APOB: variants seen among roughly 807,000 people sequenced by gnomAD.
APOB encodes apolipoprotein B-100.
Under a neutral mutation model 314.1 loss-of-function variants are expected in APOB, and 153 were observed. The observed-to-expected ratio is 0.49, with a 90% CI of 0.43 to 0.56. The LOEUF is 0.56. APOB is among the 20% of genes least tolerant of loss of function. The pLI is 0.00. For missense variants in APOB, 5,430 were observed against 5,350.7 expected (o/e 1.01, Z -0.46); for synonymous variants, 2,087 against 2,036.4 (o/e 1.02, Z -0.67).
Position 21,006,814 on chromosome 2 carries a change from T to C in APOB, c.10054A>G (p.Thr3352Ala), listed in dbSNP as rs528503563. The change falls in exon 26 of 29, where the codon ACC (threonine) becomes GCC (alanine). Residue 3352 changes from threonine (T) to alanine (A), a missense_variant. Transcript: ENST00000233242. ...GACTGGTTAAAAAGTTCAGCATTGG[T>C]ATTCAGTGTGATGACACTTGATTTA... is the stretch of plus-strand genomic sequence containing the variant. ...SFKSSVITLN[T>A]NAELFNQSDI... 1.9e-6 allele frequency: 3 copies of C among 1,613,108 alleles called. No individual in the cohort carries two copies. In the African/African-American group the frequency reaches 4.0e-5, roughly 22 times the overall value.
At chr2:21,020,017 A>G (rs1663565019) in intron 18 of APOB, 112 bp from the exon 19 acceptor site, 1 of 915,032 alleles carries the variant, frequency 1.1e-6, no homozygotes. Flanking sequence ...CTCAGTCCAC[A>G]CCTATCTCTA....
At position 21,011,715 on chromosome 2, in the gene APOB, A is replaced by C; in HGVS notation, c.5153T>G (p.Ile1718Ser). ...LSLGSAYQAMILGVDSKNIFN... is the reference protein window; with the variant it reads ...LSLGSAYQAMSLGVDSKNIFN... ...AATGTTTTTGCTGTCGACACCCAGA[A>C]TCATGGCCTGATAAGCACTTCCCAG... Residue 1718 changes from isoleucine to serine, a missense_variant, in exon 26 of 29, where the codon ATT becomes AGT. Around this residue, in one of 3 missense-constraint regions of APOB, gnomAD observed 2,085 missense variants for 2,079.7 expected, o/e 1.00. Coordinates refer to ENST00000233242, the MANE Select transcript of APOB (RefSeq NM_000384.3). 1 of 1,614,174 alleles carries C rather than the reference A, an allele frequency of 6.2e-7. No individual in the cohort carries two copies. The highest frequency in any genetic ancestry group is 8.5e-7 in the Non-Finnish European group (1 of 1,180,026).
In APOB at chr2:21,012,665, GA is replaced by G. The variant is rs753236351; in HGVS notation, c.4217-15del. The G allele has an allele frequency of 3.9e-5, 63 of 1,607,978 alleles. No homozygotes were observed. The African/African-American group carries it at 6.7e-4, about 17-fold the overall frequency. The stretch of plus-strand genomic sequence containing the variant: ...TTTCTCCAGATCCTAACATAAAAAT[GA>G]AAAGACATTGGTTAAATTAAGCAGT... On this transcript the variant is annotated splice_polypyrimidine_tract_variant and intron_variant, in intron 25 of 28. Coordinates refer to ENST00000233242, the MANE Select transcript of APOB (RefSeq NM_000384.3).
Position 21,038,718 on chromosome 2 carries a change from C to T in APOB, c.384-607G>A, listed in dbSNP as rs573811528. Among the ~76,000 whole-genome samples, 12 of 152,328 alleles carry T rather than the reference C, an allele frequency of 7.9e-5. 1 individual carries two copies. The Middle Eastern group carries it at 0.02, about 259-fold the overall frequency. ...AGTCTCTTTGCCCATCCTCCCCATA[C>T]GGACACCCGAGTGGTTGTTCCATTT... On this transcript the variant is annotated intron_variant, in intron 4 of 28. Coordinates refer to ENST00000233242, the MANE Select transcript of APOB (RefSeq NM_000384.3).
chr2:21,022,405 C>T (rs933311803), intron 18 of APOB, among the ~76,000 whole-genome samples: 3 of 152,216 alleles, frequency 2.0e-5, no homozygotes, highest in African/African-American at 7.2e-5. Context: ...TTAGGAGTTT[C>T]ATGCTTTACC....
Position 21,001,741 on chromosome 2 carries a change from T to C in APOB, c.13681A>G (p.Ile4561Val), listed in dbSNP as rs1662980345. ...TTTCTTTTAAAAAATTAGAGGATGA[T>C]AGTAAGTTCTCCTGGAGCAAGCTTC... ...YMKLAPGELT[I>V]IL Residue 4561 changes from isoleucine (I) to valine (V), a missense_variant, in exon 29 of 29, where the codon ATC becomes GTC. By Grantham distance (29) the Ile-to-Val change is conservative (BLOSUM62 3). Transcript: ENST00000233242. 2 of 1,613,710 alleles carry C rather than the reference T, an allele frequency of 1.2e-6. No homozygotes were observed. The highest frequency in any genetic ancestry group is 2.7e-5 in the African/African-American group (2 of 74,918).
At chr2:21,035,220 A>G (rs1663973103) in intron 7 of APOB, among the ~76,000 whole-genome samples, 1 of 152,172 alleles carries the variant, frequency 6.6e-6, no homozygotes, top group South Asian at 2.1e-4. Flanking sequence ...TACTCAATAT[A>G]TATTCATTGA....
chr2:21,038,144 CCTT>C (rs748020181), intron 4 of APOB, 33 bp from the exon 5 acceptor site: 1 of 1,612,598 alleles, frequency 6.2e-7, no homozygotes, highest in Admixed American at 1.7e-5. Flanking sequence ...ACGGAAATGT[CCTT>C]CTCCATTACA....
At position 21,022,209 on chromosome 2, in the gene APOB, C is replaced by T. The variant is rs564510075; in HGVS notation, c.2816+622G>A. Reference sequence around the variant, plus strand: ...ATCCAAACACCAGGGCTCAAGCGATCCATCCACCTGGGGCTCCCAAAGTGC... The same window carrying T: ...ATCCAAACACCAGGGCTCAAGCGATTCATCCACCTGGGGCTCCCAAAGTGC... On this transcript the variant is annotated intron_variant, in intron 18 of 28. Coordinates refer to ENST00000233242, the MANE Select transcript of APOB (RefSeq NM_000384.3). 8.5e-5 allele frequency among the ~76,000 whole-genome samples: 13 copies of T among 152,300 alleles called. No homozygotes were observed. The South Asian group carries it at 2.1e-3, about 24-fold the overall frequency.
intron 10 of APOB, 133 bp from the exon 11 acceptor site, chr2:21,030,148 ATTTT>A: frequency 3.0e-6 from 2 of 674,226 alleles, no homozygotes; most frequent in Admixed American, 2.4e-5. Context: ...AGCTGAAGCA[ATTTT>A]AAGCAAAAAG....
chr2:21,023,135 T>G, intron 17 of APOB, 93 bp from the exon 18 acceptor site: 1 of 1,139,656 alleles, frequency 8.8e-7, no homozygotes, highest in Non-Finnish European at 1.3e-6. Context: ...CGGGCAAAGA[T>G]TTCCTGGATA....
rs1382522091 is a variant in APOB at position 21,023,366 on chromosome 2, G to T, written c.2604+159C>A. ...GGAGCTAGTGAGGTAGTGCATTCTG[G>T]TGGAAGCTTGAAGTTTTTCATAAAA... On this transcript the variant is annotated intron_variant, in intron 17 of 28. Transcript: ENST00000233242. 7.1e-6 allele frequency: 6 copies of T among 842,042 alleles called. No homozygotes were observed. In the South Asian group the frequency reaches 7.7e-5, roughly 11 times the overall value. The allele number at this position is 842,042 out of a possible 1,614,324, so 52.2% of individuals were successfully genotyped here.
intron 10 of APOB, 27 bp downstream of exon 10, chr2:21,032,327 G>C: frequency 6.3e-7 from 1 of 1,595,428 alleles, no homozygotes; most frequent in Non-Finnish European, 8.6e-7. Flanking sequence ...CTGCTCCTAG[G>C]AGGAGAAATA....
At chr2:21,016,909 G>A (rs533374862) in intron 20 of APOB, among the ~76,000 whole-genome samples, 5 of 152,048 alleles carry the variant, frequency 3.3e-5, no homozygotes, top group African/African-American at 7.2e-5. Context: ...GCATGAACCC[G>A]GGAGGCGGGG....
intron 4 of APOB, among the ~76,000 whole-genome samples, 192 bp downstream of exon 4, chr2:21,040,746 A>C (rs1664109130): frequency 1.3e-5 from 2 of 152,240 alleles, no homozygotes; most frequent in Admixed American, 6.5e-5. Context: ...ATGATAATTA[A>C]AGGAACCTAA....
rs71391771 is a variant in APOB at position 21,027,306 on chromosome 2, A to ATTTTTTTT, written c.2068-350_2068-343dup. Among the ~76,000 whole-genome samples the ATTTTTTTT allele has an allele frequency of 2.2e-4, 23 of 105,870 alleles. 1 individual carries two copies. Among genetic ancestry groups the ATTTTTTTT allele is most frequent in the Non-Finnish European group, 4.1e-4 (22 of 53,908 alleles). 69.5% of individuals were successfully genotyped at this position (105,870 alleles called of 152,430 possible). Reference sequence around the variant, plus strand: ...TTAAAGACGAGACATTTGCATTTCAATTTTTTTTTTTTTTTTTTTTTTTGA... The same window carrying ATTTTTTTT: ...TTAAAGACGAGACATTTGCATTTCAATTTTTTTTTTTTTTTTTTTTTTTTTTTTTTTGA... On this transcript the variant is annotated intron_variant, in intron 14 of 28. Transcript: ENST00000233242.
Position 21,012,136 on chromosome 2 carries a change from A to T in APOB, c.4732T>A (p.Tyr1578Asn), listed in dbSNP as rs1270660071. The T allele has an allele frequency of 6.2e-7, 1 of 1,605,908 alleles. No homozygotes were observed. The highest frequency in any genetic ancestry group is 8.5e-7 in the Non-Finnish European group (1 of 1,175,498). ...LTLKSDTNGK[Y>N]KNFATSNKMD... ...TTGTTAGAAGTGGCAAAGTTCTTATACTTCCCATTGGTGTCAGATTTTAAA... is the reference window on the plus strand; with the variant it reads ...TTGTTAGAAGTGGCAAAGTTCTTATTCTTCCCATTGGTGTCAGATTTTAAA... Residue 1578 changes from tyrosine (Y) to asparagine (N), a missense_variant, in exon 26 of 29, where the codon TAT (tyrosine) becomes AAT (asparagine). Tyr to Asn is a moderately radical substitution (Grantham distance 143). Around this residue, in one of 3 missense-constraint regions of APOB, gnomAD observed 2,085 missense variants for 2,079.7 expected, o/e 1.00. Transcript: ENST00000233242.
chr2:21,023,940 C>T (rs1194833043), intron 16 of APOB: 1 of 357,098 alleles, frequency 2.8e-6, no homozygotes, highest in Non-Finnish European at 5.0e-6. Flanking sequence ...TCAGAAGGCT[C>T]TTAAGAATAT....
chr2:21,009,743 C>A lies in APOB; in HGVS notation c.7125G>T (p.Gln2375His), dbSNP rs1181636612. Residue 2375 changes from glutamine (Q) to histidine (H), a missense_variant, in exon 26 of 29, where the codon CAG becomes CAT. By Grantham distance (24) the Gln-to-His change is conservative. Coordinates refer to ENST00000233242, the MANE Select transcript of APOB (RefSeq NM_000384.3). The part of the protein sequence containing the change: ...AHQYKLKETI[Q>H]KLSNVLQQVK... ...CTTGTTGTAGGACATTGCTTAGCTTCTGAATAGTCTCCTTCAACTTGTATT... is the reference window on the plus strand; with the variant it reads ...CTTGTTGTAGGACATTGCTTAGCTTATGAATAGTCTCCTTCAACTTGTATT... 1.2e-6 allele frequency: 2 copies of A among 1,613,960 alleles called. No individual in the cohort carries two copies. Among genetic ancestry groups the A allele is most frequent in the East Asian group, 4.5e-5 (2 of 44,860 alleles).
Sources: allele counts gnomAD v4.1 joint callset (sites outside exome capture counted in the v4.1 genomes callset), GRCh38; gene constraint gnomAD v4.1.1; regional missense constraint gnomAD v4.1.1; transcripts MANE v1.5; gene names NCBI Gene and HGNC (gene_info 2026-07-23, HGNC 2026-07-21).